Variants in NMBR observed in about 807,000 individuals in gnomAD.
NMBR encodes neuromedin B receptor, also known as neuromedin-B receptor.
A neutral mutation model predicts 20.5 loss-of-function variants in NMBR; 16 were observed. That is an observed-to-expected ratio of 0.78 (90% confidence interval 0.53 to 1.19). The LOEUF is 1.19. NMBR is among the 50% of genes most tolerant of loss of function. The pLI is 0.00. For synonymous variants in NMBR, 212 were observed against 196.6 expected (o/e 1.08, Z -0.65); for missense variants, 582 against 499.1 (o/e 1.17, Z -1.58).
Position 142,075,640 on chromosome 6 carries a change from G to A in NMBR, c.*8C>T. On this transcript the variant is annotated 3_prime_UTR_variant, in exon 4 of 4. Transcript: ENST00000258042. Reference sequence around the variant, plus strand: ...GTTCTCTCCAGGTAGTGAGTTGAATGGCCAAAATCACAGTGCCATTTCCTG... The same window carrying A: ...GTTCTCTCCAGGTAGTGAGTTGAATAGCCAAAATCACAGTGCCATTTCCTG... 6.3e-7 allele frequency: 1 copy of A among 1,595,978 alleles called. No homozygotes were observed. Among genetic ancestry groups the A allele is most frequent in the Non-Finnish European group, 8.5e-7 (1 of 1,169,972 alleles).
chr6:142,142,718 A>G (rs1778378774), intron 1 of NMBR, among the ~76,000 whole-genome samples: 1 of 152,056 alleles, frequency 6.6e-6, no homozygotes, highest in South Asian at 2.1e-4. Flanking sequence ...ACAATATATG[A>G]ATTGCAAAAT....
intron 1 of NMBR, among the ~76,000 whole-genome samples, chr6:142,092,023 A>G (rs1258155084): frequency 6.6e-6 from 1 of 152,158 alleles, no homozygotes; most frequent in Non-Finnish European, 1.5e-5. Flanking sequence ...TACTATACTT[A>G]TGGAGACATT....
intron 3 of NMBR, among the ~76,000 whole-genome samples, chr6:142,076,641 T>C (rs1490210053): frequency 6.6e-6 from 1 of 152,186 alleles, no homozygotes; most frequent in South Asian, 2.1e-4. Flanking sequence ...TCCTTCTCCA[T>C]AAAATTTACA....
intron 2 of NMBR, among the ~76,000 whole-genome samples, chr6:142,085,155 T>C (rs559655019): frequency 6.6e-6 from 1 of 152,260 alleles, no homozygotes; most frequent in East Asian, 1.9e-4. Flanking sequence ...ATGACTGCAG[T>C]GGGCACAAAA....
At chr6:142,095,872 T>G (rs1408214871) in intron 1 of NMBR, among the ~76,000 whole-genome samples, 1 of 152,194 alleles carries the variant, frequency 6.6e-6, no homozygotes, top group Non-Finnish European at 1.5e-5. Flanking sequence ...CTTCCTGGTT[T>G]AGTCTTGGGA....
intron 3 of NMBR, 116 bp downstream of exon 3, chr6:142,078,439 G>T (rs756643929): frequency 7.9e-6 from 5 of 632,806 alleles, no homozygotes; most frequent in Non-Finnish European, 1.4e-5. Context: ...GTTAAGGCCT[G>T]TGAAGGCCCA....
chr6:142,127,320 G>C (rs889247926), intron 1 of NMBR, among the ~76,000 whole-genome samples: 1 of 151,742 alleles, frequency 6.6e-6, no homozygotes, highest in African/African-American at 2.4e-5. Context: ...TTATTTTGGG[G>C]ATCCCTTAAT....
rs1183536932 is a variant in NMBR, at chr6:142,075,139, G to A, written c.*509C>T. Among the ~76,000 whole-genome samples, 1 of 151,582 alleles carries A rather than the reference G, an allele frequency of 6.6e-6. No homozygotes were observed. On this transcript the variant is annotated 3_prime_UTR_variant, in exon 4 of 4. Transcript: ENST00000258042. ...ACACACACACACTCATGCAATAGTT[G>A]TGAATTGAATGAAATTCACCAGGAC...
intron 1 of NMBR, among the ~76,000 whole-genome samples, chr6:142,140,692 T>A (rs1484196498): frequency 6.6e-6 from 1 of 152,126 alleles, no homozygotes; most frequent in Admixed American, 6.5e-5. Context: ...TATTTAAAGG[T>A]TTAATATTTT....
chr6:142,114,530 G>A (rs545571789), intron 1 of NMBR, among the ~76,000 whole-genome samples: 70 of 152,166 alleles, frequency 4.6e-4, no homozygotes, highest in Middle Eastern at 3.4e-3. Context: ...TTTCATGTCA[G>A]CATGTGCCTA....
chr6:142,118,688 G>A (rs1216988663), intron 1 of NMBR, among the ~76,000 whole-genome samples: 2 of 151,988 alleles, frequency 1.3e-5, no homozygotes, highest in Non-Finnish European at 1.5e-5. Flanking sequence ...TTGTTAAGAC[G>A]ATAGAAGGTT....
At chr6:142,083,600 G>T (rs920040393) in intron 2 of NMBR, among the ~76,000 whole-genome samples, 1 of 152,072 alleles carries the variant, frequency 6.6e-6, no homozygotes, top group East Asian at 1.9e-4. Context: ...GATCATGAGG[G>T]CAAATTTCCC....
intron 2 of NMBR, among the ~76,000 whole-genome samples, chr6:142,084,157 C>G (rs1337159466): frequency 6.6e-6 from 1 of 152,152 alleles, no homozygotes; most frequent in African/African-American, 2.4e-5. Context: ...TGGAAAAGTC[C>G]TATGAAGCCT....
chr6:142,083,544 T>A (rs1190730141), intron 2 of NMBR, among the ~76,000 whole-genome samples: 1 of 152,162 alleles, frequency 6.6e-6, no homozygotes, highest in Non-Finnish European at 1.5e-5. Context: ...TCATGTAGAA[T>A]TGTAATCCCC....
chr6:142,111,894 T>C (rs982253939), intron 1 of NMBR, among the ~76,000 whole-genome samples: 1 of 152,234 alleles, frequency 6.6e-6, no homozygotes. Context: ...AATGTCATGT[T>C]TGTAGCTTAA....
At chr6:142,098,562 C>T in intron 1 of NMBR, among the ~76,000 whole-genome samples, 1 of 152,074 alleles carries the variant, frequency 6.6e-6, no homozygotes, top group Non-Finnish European at 1.5e-5. Flanking sequence ...ACACTGAAAA[C>T]ATTAAAAAAT....
intron 1 of NMBR, chr6:142,133,940 T>C (rs972500901): frequency 1.4e-6 from 1 of 702,594 alleles, no homozygotes; most frequent in African/African-American, 1.7e-5. Context: ...CTTTGCAGTT[T>C]ATGGGAATGA....
At chr6:142,086,224 AT>A (rs1219823755) in intron 2 of NMBR, among the ~76,000 whole-genome samples, 2 of 152,180 alleles carry the variant, frequency 1.3e-5, no homozygotes, top group African/African-American at 4.8e-5. Context: ...ATGTTGCTGA[AT>A]TTCTAATCTG....
chr6:142,095,985 G>A (rs1241021810), intron 1 of NMBR, among the ~76,000 whole-genome samples: 1 of 152,036 alleles, frequency 6.6e-6, no homozygotes, highest in East Asian at 1.9e-4. Context: ...ATTTCTGTGG[G>A]GTTGGTGGTG....
Sources: allele counts gnomAD v4.1 joint callset (sites outside exome capture counted in the v4.1 genomes callset), GRCh38; gene constraint gnomAD v4.1.1; transcripts MANE v1.5; gene names NCBI Gene and HGNC (gene_info 2026-07-23, HGNC 2026-07-21).